The following PODXL2 variants were observed in gnomAD, a reference collection of about 807,000 sequenced individuals.
PODXL2 encodes the protein podocalyxin like 2.
Under a neutral mutation model 53.4 loss-of-function variants are expected in PODXL2, and 17 were observed. The observed-to-expected ratio is 0.32, with a 90% CI of 0.22 to 0.48. The LOEUF (loss-of-function observed/expected upper bound fraction) is 0.48, where lower values mean the gene tolerates loss of function less well. Ranked by LOEUF, PODXL2 falls within the 20% of genes least tolerant of loss-of-function variation. PODXL2 has a pLI of 0.99. For synonymous variants in PODXL2, 311 were observed against 306.7 expected, an observed-to-expected ratio of 1.01 and a Z score of -0.15; for missense variants, 673 against 760.0, an observed-to-expected ratio of 0.89 and a Z score of 1.35.
At chr3:127,645,292 G>C (rs1351671441) in intron 2 of PODXL2, among the ~76,000 whole-genome samples, 1 of 152,202 alleles carries the variant, frequency 6.6e-6, no homozygotes, top group Non-Finnish European at 1.5e-5. Context: ...TCTAGAGTCA[G>C]TGTCTTCTCA....
chr3:127,651,628 G>C (rs1471123314), intron 2 of PODXL2, among the ~76,000 whole-genome samples: 2 of 152,220 alleles, frequency 1.3e-5, no homozygotes, highest in Non-Finnish European at 2.9e-5. Context: ...CCTGCCAGAG[G>C]GCTGAGGCCT....
intron 2 of PODXL2, among the ~76,000 whole-genome samples, chr3:127,641,041 A>G (rs2074615626): frequency 6.6e-6 from 1 of 152,008 alleles, no homozygotes; most frequent in Non-Finnish European, 1.5e-5. Context: ...GCCTCCGAGT[A>G]GCTGGGATTA....
In PODXL2 at chr3:127,639,496, T is replaced by C. The variant is rs760328802; in HGVS notation, c.322T>C (p.Ser108Pro). ...GGAAGAGGAGGAAGAGCTGAATGAC[T>C]CAAGTCTGGACCTGGGACCCACTGC... ...FWEEEEELND[S>P]SLDLGPTADY... Residue 108 changes from serine (S) to proline (P), a missense_variant, in exon 2 of 8, where the codon TCA (serine) becomes CCA (proline). Around this residue, in one of 3 missense-constraint regions of PODXL2, gnomAD observed 588 missense variants for 668.3 expected, o/e 0.88. Transcript: ENST00000342480. The C allele has an allele frequency of 1.2e-6, 2 of 1,613,980 alleles. No individual in the cohort carries two copies. The highest frequency in any genetic ancestry group is 2.2e-5 in the East Asian group (1 of 44,892).
intron 6 of PODXL2, 75 bp downstream of exon 6, chr3:127,669,277 G>T: frequency 9.6e-7 from 1 of 1,040,884 alleles, no homozygotes; most frequent in African/African-American, 1.6e-5. Context: ...AGTCCCAGGA[G>T]TCTGCCCACA....
chr3:127,661,129 T>G lies in PODXL2; in HGVS notation c.1101T>G (p.Ala367=), dbSNP rs775168068. 1 of 1,614,070 alleles carries G rather than the reference T, an allele frequency of 6.2e-7. No individual in the cohort carries two copies. The highest frequency in any genetic ancestry group is 8.5e-7 in the Non-Finnish European group (1 of 1,179,974). ...TCCTAGAAGGGCAGGCAGCTGAAGC[T>G]CAATCCAGGATACCCTGGGATTCTA... is the stretch of plus-strand genomic sequence containing the variant. ...QQLLEGQAAE[A]QSRIPWDSTQ... Residue 367 remains alanine, a synonymous_variant, in exon 3 of 8, where the codon GCT becomes GCG. Coordinates refer to ENST00000342480, the MANE Select transcript of PODXL2 (RefSeq NM_015720.4).
intron 2 of PODXL2, among the ~76,000 whole-genome samples, chr3:127,646,439 C>T (rs2074657336): frequency 6.6e-6 from 1 of 150,908 alleles, no homozygotes; most frequent in South Asian, 2.1e-4. Context: ...GGCTGGAGTA[C>T]AATGGTGCAA....
chr3:127,671,636 C>A, intron 7 of PODXL2, 23 bp downstream of exon 7: 1 of 1,607,234 alleles, frequency 6.2e-7, no homozygotes, highest in Non-Finnish European at 8.5e-7. Context: ...ACAGGTGGGG[C>A]TGGGGGCCAG....
intron 1 of PODXL2, among the ~76,000 whole-genome samples, chr3:127,635,801 C>T (rs1268051089): frequency 6.6e-6 from 1 of 152,234 alleles, no homozygotes; most frequent in Non-Finnish European, 1.5e-5. Context: ...TTATTTAGCT[C>T]ATGATTCTGT....
chr3:127,643,967 A>G (rs2074637233), intron 2 of PODXL2, among the ~76,000 whole-genome samples: 1 of 151,842 alleles, frequency 6.6e-6, no homozygotes, highest in African/African-American at 2.4e-5. Context: ...AATTTTTTAC[A>G]TTTAAGTCCA....
chr3:127,672,051 A>G (rs944205851), intron 7 of PODXL2, among the ~76,000 whole-genome samples: 7 of 152,176 alleles, frequency 4.6e-5, no homozygotes, highest in African/African-American at 1.7e-4. Context: ...CTGTTGGGGG[A>G]TCGATGACGT....
chr3:127,641,636 C>T (rs1423749213), intron 2 of PODXL2, among the ~76,000 whole-genome samples: 1 of 151,954 alleles, frequency 6.6e-6, no homozygotes, highest in Non-Finnish European at 1.5e-5. Context: ...GCCTCAGCCT[C>T]CTGAGTAGCT....
intron 2 of PODXL2, among the ~76,000 whole-genome samples, chr3:127,653,851 A>C (rs2074704966): frequency 6.6e-6 from 1 of 152,208 alleles, no homozygotes; most frequent in Non-Finnish European, 1.5e-5. Flanking sequence ...GGAGATGCAG[A>C]TCTGTACTTC....
At chr3:127,672,029 C>T (rs912756843) in intron 7 of PODXL2, among the ~76,000 whole-genome samples, 2 of 152,242 alleles carry the variant, frequency 1.3e-5, no homozygotes, top group African/African-American at 2.4e-5. Context: ...CAAGTGGAGT[C>T]TTCTTAGGGG....
intron 2 of PODXL2, among the ~76,000 whole-genome samples, chr3:127,645,817 T>C (rs758181231): frequency 2.6e-5 from 4 of 152,156 alleles, no homozygotes; most frequent in Non-Finnish European, 4.4e-5. Context: ...ACCCCCCTAT[T>C]CTTGTCTGCT....
chr3:127,667,907 G>A (rs893683317), intron 4 of PODXL2, among the ~76,000 whole-genome samples: 5 of 152,182 alleles, frequency 3.3e-5, no homozygotes, highest in African/African-American at 1.2e-4. Flanking sequence ...GGAGAGCCGC[G>A]TTCTGCCACT....
At chr3:127,651,038 GT>G (rs1559875627) in intron 2 of PODXL2, among the ~76,000 whole-genome samples, 1 of 152,208 alleles carries the variant, frequency 6.6e-6, no homozygotes, top group African/African-American at 2.4e-5. Context: ...GCCGAGACGG[GT>G]GGATCACCTG....
Position 127,654,103 on chromosome 3 carries a change from C to T in PODXL2, c.350-6275C>T, listed in dbSNP as rs116281941. ...GAGCAGGGTTTCATAGTCCACTATC[C>T]GGTCCAGAATCACGTACTGCATTTA... is the stretch of plus-strand genomic sequence containing the variant. On this transcript the variant is annotated intron_variant, in intron 2 of 7. Coordinates refer to ENST00000342480, the MANE Select transcript of PODXL2 (RefSeq NM_015720.4). Among the ~76,000 whole-genome samples the T allele has an allele frequency of 3.6e-3, 547 of 152,312 alleles. 3 individuals are homozygous for T. The highest frequency in any genetic ancestry group is 0.011 in the African/African-American group (462 of 41,552).
chr3:127,639,248 C>A lies in PODXL2; in HGVS notation c.74C>A (p.Ala25Glu). The change falls in exon 2 of 8, where the codon GCG (alanine) becomes GAG (glutamate). Residue 25 changes from alanine to glutamate, a missense_variant. This residue lies in a region of PODXL2 where 588 missense variants were observed against 668.3 expected (regional missense o/e 0.88). Transcript: ENST00000342480. The stretch of plus-strand genomic sequence containing the variant: ...TCTGGCTTTTATGTCTGCACAGGAG[C>A]GTTCCTGGGTGCCTGTGTGGCTGGG... ...SPLLLLLVGG[A>E]FLGACVAGSD... 6.3e-7 allele frequency: 1 copy of A among 1,599,698 alleles called. No individual in the cohort carries two copies. The highest frequency in any genetic ancestry group is 8.5e-7 in the Non-Finnish European group (1 of 1,174,440).
chr3:127,633,278 T>G (rs544940783), intron 1 of PODXL2, among the ~76,000 whole-genome samples: 2 of 152,368 alleles, frequency 1.3e-5, no homozygotes, highest in South Asian at 4.1e-4. Flanking sequence ...TTCCTTCACG[T>G]ATCCTTTGGA....
Sources: gnomAD v4.1 joint callset for allele counts (sites outside exome capture counted in the v4.1 genomes callset) on GRCh38, gnomAD v4.1.1 for gene constraint, gnomAD v4.1.1 regional missense constraint, MANE v1.5 for transcripts, NCBI Gene and HGNC (gene_info 2026-07-23, HGNC 2026-07-21) for gene names.